The following DCAF6 variants were observed in gnomAD, a reference collection of about 807,000 sequenced individuals.
DCAF6 encodes the protein DDB1- and CUL4-associated factor 6.
Under a neutral mutation model 125.1 loss-of-function variants are expected in DCAF6, and 54 were observed. The ratio of observed to expected loss-of-function variants is 0.43; its 90% CI spans 0.35 to 0.54. The LOEUF is 0.54. Among genes scored for constraint, DCAF6 ranks in the 20% least tolerant of loss-of-function variants. DCAF6 has a pLI of 0.01. For synonymous variants in DCAF6, 371 were observed against 390.4 expected, an observed-to-expected ratio of 0.95 and a Z score of 0.58; for missense variants, 934 against 1,161.7, an observed-to-expected ratio of 0.80 and a Z score of 2.85.
the DCAF6 span, among the ~76,000 whole-genome samples, chr1:167,875,805 T>C: frequency 1.3e-5 from 2 of 151,886 alleles, no homozygotes; most frequent in Non-Finnish European, 2.9e-5. Context: ...AAAAAGAAAT[T>C]AGCCAGGCAT....
the DCAF6 span, among the ~76,000 whole-genome samples, chr1:167,866,334 C>T: frequency 6.6e-6 from 1 of 152,092 alleles, no homozygotes; most frequent in Non-Finnish European, 1.5e-5. Flanking sequence ...AATACCAGAT[C>T]AATTTAAAGC....
chr1:168,021,224 ATGTT>A (rs1225942765), intron 11 of DCAF6, among the ~76,000 whole-genome samples: 1 of 152,108 alleles, frequency 6.6e-6, no homozygotes, highest in Non-Finnish European at 1.5e-5. Context: ...GAAAAAATAA[ATGTT>A]TGAAGATAAG....
the DCAF6 span, among the ~76,000 whole-genome samples, chr1:167,882,931 T>A: frequency 1.4e-4 from 21 of 152,200 alleles, no homozygotes; most frequent in Non-Finnish European, 2.5e-4. Context: ...GAGGATGAAA[T>A]GAGTCAATAG....
At chr1:168,065,443 C>T in intron 18 of DCAF6, 147 bp from the exon 19 acceptor site, 1 of 692,620 alleles carries the variant, frequency 1.4e-6, no homozygotes, top group Admixed American at 3.0e-5. Flanking sequence ...CCACTGCGCC[C>T]AGCATCAATT....
At position 168,066,458 on chromosome 1, in the gene DCAF6, CTGA is replaced by C; in HGVS notation, c.2682_2684del (p.Asp894del). 1 of 1,596,216 alleles carries C rather than the reference CTGA, an allele frequency of 6.3e-7. No individual in the cohort carries two copies. On this transcript the variant is annotated inframe_deletion, in exon 20 of 22. Transcript: ENST00000367840. Reference sequence around the variant, plus strand: ...TCAAGGATTTTTAACCGAAAACTTGCTGATGAAGTAAGATTTTTATTGTACTTA... The same window carrying C: ...TCAAGGATTTTTAACCGAAAACTTGCTGAAGTAAGATTTTTATTGTACTTA...
the DCAF6 span, chr1:167,899,345 G>A: frequency 1.8e-5 from 25 of 1,410,688 alleles, no homozygotes; most frequent in Middle Eastern, 1.9e-4. Flanking sequence ...TGAAACCAGC[G>A]TGCCCAGTGA....
chr1:167,982,999 C>T (rs961294428), intron 4 of DCAF6, among the ~76,000 whole-genome samples: 1 of 152,100 alleles, frequency 6.6e-6, no homozygotes, highest in African/African-American at 2.4e-5. Context: ...TCTGGGTTCT[C>T]TATTCTGTTT....
rs756505910 is a variant in DCAF6 at position 168,065,753 on chromosome 1, T to G, written c.2596+7T>G. On this transcript the variant is annotated splice_region_variant and intron_variant, in intron 19 of 21. Transcript: ENST00000367840. Reference sequence around the variant, plus strand: ...CCACATCCGTTTGACCCAAGTAAGATATCTTTTCTAGGACGAGGGCTAGAA... The same window carrying G: ...CCACATCCGTTTGACCCAAGTAAGAGATCTTTTCTAGGACGAGGGCTAGAA... 5.2e-5 allele frequency: 83 copies of G among 1,607,806 alleles called. No individual in the cohort carries two copies. In the South Asian group the frequency reaches 8.7e-4, roughly 17 times the overall value.
chr1:167,976,420 C>G (rs1322874732), intron 4 of DCAF6, among the ~76,000 whole-genome samples: 1 of 152,092 alleles, frequency 6.6e-6, no homozygotes, highest in African/African-American at 2.4e-5. Context: ...TGCAGTCAGC[C>G]AAGACTGCGC....
chr1:168,025,383 A>G (rs1481868083), intron 12 of DCAF6, among the ~76,000 whole-genome samples: 2 of 152,098 alleles, frequency 1.3e-5, no homozygotes, highest in East Asian at 1.9e-4. Flanking sequence ...CTTTTTGGCT[A>G]TGTAAAGTAT....
chr1:168,004,744 A>T lies in DCAF6; in HGVS notation c.1329A>T (p.Glu443Asp). ...CTTTGCTATCTTCTCCAGACAGTGA[A>T]CAAAGGCAGTCTGTTGAGGCATCTG... ...STPLLSSPDS[E>D]QRQSVEASGH... The change falls in exon 10 of 22, where the codon GAA (glutamate) becomes GAT (aspartate). Residue 443 changes from glutamate (E) to aspartate (D), a missense_variant. Transcript: ENST00000367840. 6.2e-7 allele frequency: 1 copy of T among 1,613,994 alleles called. No homozygotes were observed. The highest frequency in any genetic ancestry group is 8.5e-7 in the Non-Finnish European group (1 of 1,179,892).
the DCAF6 span, among the ~76,000 whole-genome samples, chr1:167,869,656 T>G: frequency 3.3e-5 from 5 of 152,152 alleles, no homozygotes; most frequent in African/African-American, 1.2e-4. Context: ...AATCTCTCGT[T>G]CTGTTCTGTT....
the DCAF6 span, chr1:167,919,989 G>A: frequency 1.4e-5 from 22 of 1,609,640 alleles, no homozygotes; most frequent in Non-Finnish European, 1.7e-5. Flanking sequence ...CTCCAAATAC[G>A]AAAAAGCTGA....
chr1:167,864,623 G>C, the DCAF6 span, among the ~76,000 whole-genome samples: 2 of 151,998 alleles, frequency 1.3e-5, no homozygotes, highest in Non-Finnish European at 2.9e-5. Context: ...GAAAGTCAAA[G>C]AGAGAAAGAA....
At chr1:167,892,595 C>G in the DCAF6 span, among the ~76,000 whole-genome samples, 39,864 of 151,874 alleles carry the variant, frequency 0.26, 5,606 homozygotes, top group African/African-American at 0.37. Context: ...AGAATGGCTG[C>G]GGGAGAATGG....
chr1:167,891,030 C>T, the DCAF6 span, among the ~76,000 whole-genome samples: 11 of 152,002 alleles, frequency 7.2e-5, no homozygotes, highest in Non-Finnish European at 1.3e-4. Context: ...GGCGCAATCT[C>T]GGCTCACTGC....
chr1:168,014,108 A>G (rs1209511987), intron 10 of DCAF6, among the ~76,000 whole-genome samples: 1 of 152,154 alleles, frequency 6.6e-6, no homozygotes, highest in Non-Finnish European at 1.5e-5. Flanking sequence ...TAATAGCAAG[A>G]GTTGTACAAA....
At chr1:168,058,199 ACCACAGTTTAT>A (rs1031899522) in intron 17 of DCAF6, among the ~76,000 whole-genome samples, 3 of 152,138 alleles carry the variant, frequency 2.0e-5, no homozygotes, top group Admixed American at 1.3e-4. Context: ...ATTTGACTAA[ACCACAGTTTAT>A]CCATTTTCCT....
At chr1:168,060,363 T>C (rs1248007791) in intron 17 of DCAF6, among the ~76,000 whole-genome samples, 1 of 152,070 alleles carries the variant, frequency 6.6e-6, no homozygotes, top group Non-Finnish European at 1.5e-5. Flanking sequence ...TTTTTCATCT[T>C]TTTTTAGAGA....
Sources: gnomAD v4.1 joint callset for allele counts (sites outside exome capture counted in the v4.1 genomes callset) on GRCh38, gnomAD v4.1.1 for gene constraint, MANE v1.5 for transcripts, NCBI Gene and HGNC (gene_info 2026-07-23, HGNC 2026-07-21) for gene names.